Variants in OR51B5 observed in about 807,000 individuals in gnomAD.
OR51B5 encodes the protein olfactory receptor family 51 subfamily B member 5.
For synonymous variants in OR51B5, 186 were observed against 144.8 expected, an observed-to-expected ratio of 1.28 and a Z score of -2.04; for missense variants, 456 against 374.6, an observed-to-expected ratio of 1.22 and a Z score of -1.79.
intron 1 of OR51B5, among the ~76,000 whole-genome samples, chr11:5,464,927 C>G (rs1018577179): frequency 6.6e-6 from 1 of 152,192 alleles, no homozygotes; most frequent in Non-Finnish European, 1.5e-5. Context: ...TTCCTATTGG[C>G]TGGGCGCGGT....
At chr11:5,424,471 G>A (rs1340362422) in intron 1 of OR51B5, among the ~76,000 whole-genome samples, 1 of 152,068 alleles carries the variant, frequency 6.6e-6, no homozygotes, top group Admixed American at 6.5e-5. Context: ...GAGAGGCCAG[G>A]ATCTTCCCCT....
exon 1 of OR51B5, chr11:5,343,343 A>G (rs1258303598): frequency 1.2e-6 from 2 of 1,612,492 alleles, no homozygotes. Flanking sequence ...CAGCATGGCC[A>G]GAAAGAAGTA....
chr11:5,484,530 A>G (rs1000098238), intron 1 of OR51B5, among the ~76,000 whole-genome samples: 1 of 152,188 alleles, frequency 6.6e-6, no homozygotes, highest in Admixed American at 6.5e-5. Context: ...GGTCAGTGCC[A>G]ATGCTGAGCC....
At chr11:5,485,873 C>G (rs970856922) in intron 1 of OR51B5, among the ~76,000 whole-genome samples, 3 of 152,160 alleles carry the variant, frequency 2.0e-5, no homozygotes, top group African/African-American at 7.2e-5. Context: ...CCCTCAGCAT[C>G]TCAGAATGTG....
chr11:5,404,421 AG>A lies in OR51B5; in HGVS notation n.85-57512del, dbSNP rs1850027650. On this transcript the variant is annotated intron_variant and non_coding_transcript_variant, in intron 1 of 4. Transcript: ENST00000415970. The stretch of plus-strand genomic sequence containing the variant: ...AGAACTCTGTAAAAACGCACCAACT[AG>A]TGCTCTGTGTCTAGCTAACGGTTTG... 7.2e-5 allele frequency among the ~76,000 whole-genome samples: 11 copies of A among 152,278 alleles called. No individual in the cohort carries two copies. In the South Asian group the frequency reaches 2.3e-3, roughly 32 times the overall value.
intron 1 of OR51B5, among the ~76,000 whole-genome samples, chr11:5,461,525 C>G (rs551060928): frequency 1.1e-4 from 16 of 152,260 alleles, no homozygotes; most frequent in African/African-American, 3.8e-4. Flanking sequence ...CTCTCCAGGT[C>G]TCCCTGCTAA....
intron 1 of OR51B5, among the ~76,000 whole-genome samples, chr11:5,491,791 C>T (rs2133815649): frequency 6.6e-6 from 1 of 152,250 alleles, no homozygotes; most frequent in East Asian, 1.9e-4. Context: ...TCATCTTTCC[C>T]TAAAAAGGCA....
At chr11:5,441,471 T>A (rs1589997782) in intron 1 of OR51B5, 1 of 1,613,428 alleles carries the variant, frequency 6.2e-7, no homozygotes, top group Non-Finnish European at 8.5e-7. Flanking sequence ...GCCTGTCAGC[T>A]GGAGTGTTGC....
At chr11:5,481,871 A>C (rs1351323844) in intron 1 of OR51B5, among the ~76,000 whole-genome samples, 1 of 142,632 alleles carries the variant, frequency 7.0e-6, no homozygotes, top group Admixed American at 7.0e-5. Flanking sequence ...CAAACAAATG[A>C]AAGAACATTC....
chr11:5,415,227 C>T (rs1458417906), intron 1 of OR51B5, among the ~76,000 whole-genome samples: 24 of 150,880 alleles, frequency 1.6e-4, no homozygotes, highest in Non-Finnish European at 2.8e-4. Context: ...TTGAAACCAA[C>T]GAGAACAAAG....
intron 1 of OR51B5, among the ~76,000 whole-genome samples, chr11:5,461,186 G>A (rs1851044271): frequency 6.6e-6 from 1 of 152,194 alleles, no homozygotes; most frequent in African/African-American, 2.4e-5. Context: ...GGATGACTGG[G>A]GTCCCCAGTG....
intron 1 of OR51B5, among the ~76,000 whole-genome samples, chr11:5,416,960 G>A (rs1413413519): frequency 4.1e-5 from 6 of 145,418 alleles, no homozygotes; most frequent in Admixed American, 1.4e-4. Context: ...AAAAGAGCCC[G>A]CATCGCCAAG....
intron 1 of OR51B5, chr11:5,352,362 G>A (rs267602948): frequency 6.2e-7 from 1 of 1,613,746 alleles, no homozygotes; most frequent in Non-Finnish European, 8.5e-7. Context: ...CACCTTTTAT[G>A]AACCCATTTA....
At chr11:5,376,208 G>C (rs1020087077) in intron 1 of OR51B5, among the ~76,000 whole-genome samples, 3 of 152,024 alleles carry the variant, frequency 2.0e-5, no homozygotes, top group Admixed American at 2.0e-4. Flanking sequence ...GCTCCTGAAT[G>C]ACTACTGGGT....
At chr11:5,350,868 A>G (rs1849070846) in intron 1 of OR51B5, among the ~76,000 whole-genome samples, 3 of 152,212 alleles carry the variant, frequency 2.0e-5, no homozygotes, top group Admixed American at 1.3e-4. Context: ...GTCATTTTCT[A>G]ACTACCCAAA....
At chr11:5,416,210 T>C (rs1168641359) in intron 1 of OR51B5, among the ~76,000 whole-genome samples, 2 of 141,354 alleles carry the variant, frequency 1.4e-5, no homozygotes, top group Admixed American at 1.5e-4. Flanking sequence ...GAAAAGGCCT[T>C]TGACAAAATT....
chr11:5,444,499 G>A (rs1224868619), intron 1 of OR51B5, among the ~76,000 whole-genome samples: 1 of 152,078 alleles, frequency 6.6e-6, no homozygotes, highest in Non-Finnish European at 1.5e-5. Flanking sequence ...ACATTTAGAA[G>A]GGGAGATATA....
intron 1 of OR51B5, among the ~76,000 whole-genome samples, chr11:5,412,536 G>A (rs993686884): frequency 6.6e-6 from 1 of 152,206 alleles, no homozygotes; most frequent in African/African-American, 2.4e-5. Flanking sequence ...CCCTTTCCTA[G>A]TCAAAGAAAG....
At chr11:5,483,439 A>T (rs1851455061) in intron 1 of OR51B5, among the ~76,000 whole-genome samples, 1 of 147,040 alleles carries the variant, frequency 6.8e-6, no homozygotes, top group South Asian at 2.3e-4. Context: ...GCGCACCAGC[A>T]TGGCACATGT....
Sources: allele counts gnomAD v4.1 joint callset (sites outside exome capture counted in the v4.1 genomes callset), GRCh38; gene constraint gnomAD v4.1.1; transcripts MANE v1.5; gene names NCBI Gene and HGNC (gene_info 2026-07-23, HGNC 2026-07-21).